BCAS4: variants seen among roughly 807,000 people sequenced by gnomAD.
The protein encoded by BCAS4 is breast carcinoma amplified sequence 4.
A neutral mutation model predicts 15.7 loss-of-function variants in BCAS4; 9 were observed. That is an observed-to-expected ratio of 0.57 (90% CI 0.34 to 1.00). The LOEUF is 1.00. Ranked by LOEUF, BCAS4 falls within the 50% of genes least tolerant of loss-of-function variation. BCAS4 has a pLI of 0.02. For synonymous variants in BCAS4, 101 were observed against 99.5 expected (o/e 1.02, Z -0.09); for missense variants, 225 against 239.1 (o/e 0.94, Z 0.39).
intron 3 of BCAS4, among the ~76,000 whole-genome samples, chr20:50,835,687 C>T (rs942628254): frequency 6.6e-5 from 10 of 152,214 alleles, no homozygotes; most frequent in East Asian, 1.9e-4. Flanking sequence ...CTGTCACCAC[C>T]GTGGGGCGTG....
chr20:50,797,114 A>G (rs1390481653), intron 1 of BCAS4, among the ~76,000 whole-genome samples: 1 of 152,174 alleles, frequency 6.6e-6, no homozygotes, highest in Non-Finnish European at 1.5e-5. Flanking sequence ...CTGGGATTAT[A>G]GGCATGTACC....
Position 50,829,535 on chromosome 20 carries a change from G to A in BCAS4, c.163-744G>A, listed in dbSNP as rs938301561. Among the ~76,000 whole-genome samples, 7 of 151,704 alleles carry A rather than the reference G, an allele frequency of 4.6e-5. No homozygotes were observed. The South Asian group carries it at 6.3e-4, about 14-fold the overall frequency. On this transcript the variant is annotated intron_variant, in intron 2 of 4. Transcript: ENST00000371608. ...TGGGATTACAGGCGTGAGCCACCAC[G>A]CCCAGCCGCTCCCCAGAATTTGAGA...
At chr20:50,805,836 G>A (rs2087982571) in intron 1 of BCAS4, among the ~76,000 whole-genome samples, 1 of 152,188 alleles carries the variant, frequency 6.6e-6, no homozygotes, top group Middle Eastern at 3.4e-3. Context: ...TTAGCCAGGC[G>A]TGGTGGTGTG....
At chr20:50,875,739 A>G (rs1438743936) in intron 4 of BCAS4, among the ~76,000 whole-genome samples, 1 of 151,714 alleles carries the variant, frequency 6.6e-6, no homozygotes, top group Non-Finnish European at 1.5e-5. Flanking sequence ...CCAAGATGGC[A>G]CCACTGTACT....
At chr20:50,882,184 TA>T in the BCAS4 span, 1,240 of 107,814 alleles carry the variant, frequency 0.012, 20 homozygotes, top group African/African-American at 0.039. Context: ...CCCAATCTCT[TA>T]AAAAAAAAAG....
At chr20:50,810,322 G>C (rs916783748) in intron 1 of BCAS4, among the ~76,000 whole-genome samples, 1 of 151,978 alleles carries the variant, frequency 6.6e-6, no homozygotes, top group Non-Finnish European at 1.5e-5. Context: ...TCACAGGCCA[G>C]CCTAGATTCG....
At chr20:50,857,434 C>T (rs906288502) in intron 4 of BCAS4, among the ~76,000 whole-genome samples, 4 of 152,128 alleles carry the variant, frequency 2.6e-5, no homozygotes, top group Admixed American at 6.6e-5. Context: ...CCCAGCTGAA[C>T]GCTATTTTCT....
intron 4 of BCAS4, among the ~76,000 whole-genome samples, chr20:50,869,623 T>G (rs778276141): frequency 9.2e-5 from 14 of 152,120 alleles, no homozygotes; most frequent in African/African-American, 1.2e-4. Context: ...TGACCTACTA[T>G]TCAGTGCTCA....
At chr20:50,852,661 T>A (rs888131337) in intron 4 of BCAS4, among the ~76,000 whole-genome samples, 2 of 152,194 alleles carry the variant, frequency 1.3e-5, no homozygotes, top group South Asian at 4.1e-4. Flanking sequence ...GGATTACAGG[T>A]GTGAACCACT....
At chr20:50,865,105 TAAATAA>T (rs2123841995) in intron 4 of BCAS4, among the ~76,000 whole-genome samples, 1 of 152,006 alleles carries the variant, frequency 6.6e-6, no homozygotes, top group South Asian at 2.1e-4. Context: ...AATAAATAAA[TAAATAA>T]AAATAAAGAT....
intron 4 of BCAS4, among the ~76,000 whole-genome samples, chr20:50,854,281 G>A (rs6020794): frequency 0.095 from 14,412 of 152,124 alleles, 1,120 homozygotes; most frequent in African/African-American, 0.22. Context: ...CAGTTCTCCA[G>A]CCTCATGGCC....
At chr20:50,867,786 C>T (rs919133647) in intron 4 of BCAS4, among the ~76,000 whole-genome samples, 3 of 152,122 alleles carry the variant, frequency 2.0e-5, no homozygotes, top group South Asian at 2.1e-4. Flanking sequence ...TGGTGGCGCA[C>T]GCGTGTAATC....
chr20:50,861,053 G>T (rs563136980), intron 4 of BCAS4, among the ~76,000 whole-genome samples: 19 of 151,978 alleles, frequency 1.3e-4, no homozygotes, highest in South Asian at 6.2e-4. Flanking sequence ...AGGATTTGCT[G>T]GGGTGGTCAA....
chr20:50,850,978 C>T lies in BCAS4; in HGVS notation c.399+9078C>T, dbSNP rs147104486. Among the ~76,000 whole-genome samples, 1,233 of 152,228 alleles carry T rather than the reference C, an allele frequency of 8.1e-3. 12 individuals carry two copies. Among genetic ancestry groups the T allele is most frequent in the Non-Finnish European group, 0.015 (996 of 67,998 alleles). On this transcript the variant is annotated intron_variant, in intron 4 of 4. Transcript: ENST00000371608. ...CCCTGCCCGGGCTGCCTGTAGGAGT[C>T]GTCAGTGCCAGGCTCAGCGTGCTCC...
chr20:50,841,105 C>G (rs534661892), intron 3 of BCAS4, among the ~76,000 whole-genome samples: 1 of 152,350 alleles, frequency 6.6e-6, no homozygotes, highest in South Asian at 2.1e-4. Flanking sequence ...GCTGGGATTA[C>G]AGGCGTGAGC....
At chr20:50,837,665 T>C (rs2088425754) in intron 3 of BCAS4, among the ~76,000 whole-genome samples, 1 of 152,156 alleles carries the variant, frequency 6.6e-6, no homozygotes, top group Admixed American at 6.5e-5. Context: ...GCGTCTCCTC[T>C]CCCCGGAGTC....
At position 50,821,447 on chromosome 20, in the gene BCAS4, GC is replaced by G. The variant is rs141334523; in HGVS notation, c.162+3166del. 3.8e-3 allele frequency among the ~76,000 whole-genome samples: 577 copies of G among 152,336 alleles called. 2 individuals carry two copies. Among genetic ancestry groups the G allele is most frequent in the African/African-American group, 0.013 (551 of 41,580 alleles). ...CTTGGCCCCTAGAGGTTCATGCTTG[GC>G]TTACCTGGTATGTCTGCTGTGTGCT... On this transcript the variant is annotated intron_variant, in intron 2 of 4. Transcript: ENST00000371608.
At chr20:50,878,305 G>A (rs2904288), downstream of BCAS4, 1 of 152,106 alleles carries the variant, frequency 6.6e-6, no homozygotes, top group Non-Finnish European at 1.5e-5. Flanking sequence ...AGGAAGCTGG[G>A]ATTACGGGAG....
At chr20:50,830,599 C>T (rs1211427481) in intron 3 of BCAS4, among the ~76,000 whole-genome samples, 1 of 152,184 alleles carries the variant, frequency 6.6e-6, no homozygotes, top group African/African-American at 2.4e-5. Flanking sequence ...CCTGTAATCC[C>T]AGCATTTTGG....
Sources: gnomAD v4.1 joint callset for allele counts (sites outside exome capture counted in the v4.1 genomes callset) on GRCh38, gnomAD v4.1.1 for gene constraint, MANE v1.5 for transcripts, NCBI Gene and HGNC (gene_info 2026-07-23, HGNC 2026-07-21) for gene names.